The following NALCN variants were observed in gnomAD, a reference collection of about 807,000 sequenced individuals.
The protein encoded by NALCN is sodium leak channel, non-selective.
In NALCN, 111 loss-of-function variants were observed where a neutral mutation model predicts 225.3. That is an observed-to-expected ratio of 0.49 (90% confidence interval 0.42 to 0.58). The LOEUF (loss-of-function observed/expected upper bound fraction) is 0.58. Ranked by LOEUF, NALCN falls within the 20% of genes least tolerant of loss-of-function variation. The probability of loss-of-function intolerance (pLI) is 0.00; values close to 1 mark genes in which losing one functional copy is unlikely to be tolerated. For missense variants in NALCN, 1,378 were observed against 2,202.4 expected, an observed-to-expected ratio of 0.63 and a Z score of 7.49; for synonymous variants, 764 against 769.0, an observed-to-expected ratio of 0.99 and a Z score of 0.11.
intron 17 of NALCN, among the ~76,000 whole-genome samples, chr13:101,131,476 T>C (rs1359391372): frequency 6.6e-6 from 1 of 152,192 alleles, no homozygotes; most frequent in East Asian, 1.9e-4. Flanking sequence ...TCAAATATGG[T>C]AGCTTTCTTT....
Position 101,186,882 on chromosome 13 carries a change from A to T in NALCN, c.1764+5035T>A, listed in dbSNP as rs1461047115. On this transcript the variant is annotated intron_variant, in intron 14 of 43. Coordinates refer to ENST00000251127, the MANE Select transcript of NALCN (RefSeq NM_052867.4). ...GCAAAAATTGTAAACAATTAGAAGA[A>T]GATATAGGAGAATATTTGTATTACC... Among the ~76,000 whole-genome samples the T allele has an allele frequency of 2.6e-5, 4 of 152,218 alleles. No homozygotes were observed. In the South Asian group the frequency reaches 8.3e-4, roughly 32 times the overall value.
chr13:101,082,770 G>A (rs766530535), intron 33 of NALCN, 39 bp downstream of exon 33: 3 of 1,600,854 alleles, frequency 1.9e-6, no homozygotes, highest in African/African-American at 1.3e-5. Flanking sequence ...TTAAAACTGT[G>A]CACAGATTCC....
chr13:101,153,279 T>C (rs1351271851), intron 15 of NALCN, among the ~76,000 whole-genome samples: 1 of 152,160 alleles, frequency 6.6e-6, no homozygotes, highest in Non-Finnish European at 1.5e-5. Flanking sequence ...TCAAGGGAAA[T>C]GTGCTATACA....
chr13:101,347,661 T>C (rs2045782880), intron 6 of NALCN, among the ~76,000 whole-genome samples: 1 of 152,168 alleles, frequency 6.6e-6, no homozygotes, highest in South Asian at 2.1e-4. Flanking sequence ...TGAGGCTTTC[T>C]GGGTTTGATC....
intron 6 of NALCN, among the ~76,000 whole-genome samples, chr13:101,347,140 T>TACACACACACACACAC (rs56838607): frequency 1.3e-5 from 2 of 149,428 alleles, no homozygotes; most frequent in African/African-American, 4.9e-5. Context: ...TACATAGTTT[T>TACACACACACACACAC]ACACACACAC....
chr13:101,361,157 T>A (rs1305381320), intron 6 of NALCN, among the ~76,000 whole-genome samples: 1 of 152,200 alleles, frequency 6.6e-6, no homozygotes, highest in Non-Finnish European at 1.5e-5. Flanking sequence ...AAATTAATTT[T>A]CAAAATTTAC....
intron 11 of NALCN, among the ~76,000 whole-genome samples, chr13:101,256,035 G>A (rs1265590385): frequency 6.6e-6 from 1 of 152,104 alleles, no homozygotes; most frequent in African/African-American, 2.4e-5. Context: ...GCCTCACTCT[G>A]AGTGACTTCA....
intron 10 of NALCN, among the ~76,000 whole-genome samples, chr13:101,277,569 G>C (rs532194538): frequency 1.3e-5 from 2 of 151,952 alleles, no homozygotes; most frequent in East Asian, 1.9e-4. Context: ...TTAACACATC[G>C]GAATAACTTT....
chr13:101,346,087 CTATA>C (rs71121188), intron 6 of NALCN, among the ~76,000 whole-genome samples: 1,090 of 70,962 alleles, frequency 0.015, 20 homozygotes, highest in Middle Eastern at 0.037. Flanking sequence ...CTCTCTCTCT[CTATA>C]TATATATATA....
chr13:101,063,444 G>A (rs1196102267), intron 40 of NALCN, among the ~76,000 whole-genome samples: 3 of 152,134 alleles, frequency 2.0e-5, no homozygotes, highest in Admixed American at 2.0e-4. Context: ...TTTTGCCTGG[G>A]TCTATTTTTA....
intron 30 of NALCN, among the ~76,000 whole-genome samples, chr13:101,086,657 A>G (rs922363279): frequency 6.6e-6 from 1 of 152,030 alleles, no homozygotes; most frequent in African/African-American, 2.4e-5. Flanking sequence ...ATCAAATCTC[A>G]TATTTCCTTT....
At chr13:101,067,346 A>C in intron 39 of NALCN, among the ~76,000 whole-genome samples, 2 of 126,888 alleles carry the variant, frequency 1.6e-5, no homozygotes, top group South Asian at 3.2e-4. Flanking sequence ...AAGAGGGGGT[A>C]GAGGAGGAGG....
At position 101,389,591 on chromosome 13, in the gene NALCN, G is replaced by A. The variant is rs544755372; in HGVS notation, c.291+5592C>T. Among the ~76,000 whole-genome samples, 5 of 152,206 alleles carry A rather than the reference G, an allele frequency of 3.3e-5. No individual in the cohort carries two copies. The South Asian group carries it at 6.2e-4, about 19-fold the overall frequency. On this transcript the variant is annotated intron_variant, in intron 3 of 43. Coordinates refer to ENST00000251127, the MANE Select transcript of NALCN (RefSeq NM_052867.4). The stretch of plus-strand genomic sequence containing the variant: ...GAGGCAGCAGAGCTCAGAACCTGAC[G>A]GTCGGTACACAGAAAAGCTCCATGT...
intron 6 of NALCN, among the ~76,000 whole-genome samples, chr13:101,367,121 A>C (rs141376711): frequency 6.7e-6 from 1 of 149,908 alleles, no homozygotes; most frequent in Non-Finnish European, 1.5e-5. Flanking sequence ...TTCTTTTTTT[A>C]TTTTTTTTTA....
At chr13:101,172,334 T>C (rs1459585463) in intron 15 of NALCN, among the ~76,000 whole-genome samples, 1 of 152,228 alleles carries the variant, frequency 6.6e-6, no homozygotes, top group African/African-American at 2.4e-5. Flanking sequence ...GCCACATTCC[T>C]GCACCTTTAT....
At chr13:101,402,084 G>A (rs1481820513) in intron 1 of NALCN, among the ~76,000 whole-genome samples, 2 of 152,072 alleles carry the variant, frequency 1.3e-5, no homozygotes, top group Non-Finnish European at 2.9e-5. Context: ...AGTATCCTAG[G>A]TAAGTTTATT....
intron 13 of NALCN, among the ~76,000 whole-genome samples, chr13:101,225,421 A>AG (rs2041104352): frequency 6.6e-6 from 1 of 152,210 alleles, no homozygotes; most frequent in Non-Finnish European, 1.5e-5. Context: ...AAAAAGGAGG[A>AG]GCATCCAAGT....
Position 101,104,763 on chromosome 13 carries a change from C to G in NALCN, c.2637-113G>C. On this transcript the variant is annotated intron_variant, in intron 23 of 43. Transcript: ENST00000251127. This position sits in a 1 kb window ranked among gnomAD's most constrained non-coding sequence, Gnocchi z 4.2. ...AACATGACTGGTATTTTAAAAACATCATTCCCCAATCATCTATTTCATAGC... is the reference window on the plus strand; with the variant it reads ...AACATGACTGGTATTTTAAAAACATGATTCCCCAATCATCTATTTCATAGC... 1.3e-6 allele frequency: 2 copies of G among 1,553,332 alleles called. No homozygotes were observed. The highest frequency in any genetic ancestry group is 1.8e-6 in the Non-Finnish European group (2 of 1,136,154).
chr13:101,065,660 A>G (rs2032321434), intron 39 of NALCN, 99 bp from the exon 40 acceptor site: 3 of 1,411,980 alleles, frequency 2.1e-6, no homozygotes, highest in Non-Finnish European at 2.8e-6. Flanking sequence ...CTCAAAAGCT[A>G]GCATAATTAG....
Sources: gnomAD v4.1 joint callset for allele counts (sites outside exome capture counted in the v4.1 genomes callset) on GRCh38, gnomAD v4.1.1 for gene constraint, Gnocchi (gnomAD v3.1) non-coding constraint, MANE v1.5 for transcripts, NCBI Gene and HGNC (gene_info 2026-07-23, HGNC 2026-07-21) for gene names.